Variants in SGMS1 observed in about 807,000 individuals in gnomAD.
SGMS1 encodes the protein phosphatidylcholine:ceramide cholinephosphotransferase 1.
SGMS1 carries 13 observed loss-of-function variants against 46.2 expected under a neutral mutation model. The ratio of observed to expected loss-of-function variants is 0.28; its 90% CI spans 0.18 to 0.45. The LOEUF is 0.45. SGMS1 is among the 20% of genes least tolerant of loss of function. The pLI, the probability that SGMS1 is intolerant of heterozygous loss-of-function variation, is 1.00. For synonymous variants in SGMS1, 203 were observed against 187.8 expected (o/e 1.08, Z -0.66); for missense variants, 324 against 519.9 (o/e 0.62, Z 3.66).
At chr10:50,345,761 G>A (rs190393625) in intron 6 of SGMS1, among the ~76,000 whole-genome samples, 36 of 152,288 alleles carry the variant, frequency 2.4e-4, no homozygotes, top group Admixed American at 1.4e-3. Flanking sequence ...GTGCATTCTG[G>A]AAATATTCCA....
In SGMS1 at chr10:50,496,930, A is replaced by C. The variant is rs192130159; in HGVS notation, c.-498+22901T>G. Among the ~76,000 whole-genome samples, 331 of 152,314 alleles carry C rather than the reference A, an allele frequency of 2.2e-3. 1 individual carries two copies. The highest frequency in any genetic ancestry group is 4.1e-3 in the Admixed American group (63 of 15,304). On this transcript the variant is annotated intron_variant, in intron 3 of 10. Transcript: ENST00000361781. The stretch of plus-strand genomic sequence containing the variant: ...TGCATGTCAACTAATGTCACTACCA[A>C]CATCTTTAGACACAAACCCACAGCA...
At chr10:50,384,595 G>A (rs941296851) in intron 6 of SGMS1, among the ~76,000 whole-genome samples, 1 of 151,906 alleles carries the variant, frequency 6.6e-6, no homozygotes, top group African/African-American at 2.4e-5. Flanking sequence ...CTACAGGTGT[G>A]TGCCACCATG....
intron 3 of SGMS1, among the ~76,000 whole-genome samples, chr10:50,490,709 T>A (rs908380179): frequency 6.6e-6 from 1 of 152,226 alleles, no homozygotes; most frequent in Non-Finnish European, 1.5e-5. Context: ...TACCACTTAC[T>A]ATCTGTGGGC....
chr10:50,562,614 T>G (rs1015497874), intron 2 of SGMS1, among the ~76,000 whole-genome samples: 11 of 151,972 alleles, frequency 7.2e-5, no homozygotes, highest in East Asian at 1.9e-4. Flanking sequence ...CGCGATCTCG[T>G]CTCACTGCAA....
chr10:50,585,827 C>T (rs1191940592), intron 2 of SGMS1, among the ~76,000 whole-genome samples: 1 of 152,188 alleles, frequency 6.6e-6, no homozygotes, highest in Non-Finnish European at 1.5e-5. Context: ...ATACAATAGA[C>T]ACTCTGTAAA....
chr10:50,360,175 T>G (rs999967871), intron 6 of SGMS1, among the ~76,000 whole-genome samples: 1 of 152,234 alleles, frequency 6.6e-6, no homozygotes, highest in African/African-American at 2.4e-5. Flanking sequence ...TGTATAATTA[T>G]GTTCCCAAAT....
chr10:50,476,485 A>G (rs1306237922), intron 3 of SGMS1, among the ~76,000 whole-genome samples: 2 of 152,224 alleles, frequency 1.3e-5, no homozygotes, highest in Non-Finnish European at 2.9e-5. Context: ...GTAGAAAAGA[A>G]AAACCCATTT....
chr10:50,562,292 C>A (rs760220529), intron 2 of SGMS1, among the ~76,000 whole-genome samples: 4 of 150,462 alleles, frequency 2.7e-5, no homozygotes, highest in Non-Finnish European at 4.5e-5. Flanking sequence ...TTTGGTGTAT[C>A]TGCTACAGGA....
At chr10:50,533,407 G>A (rs750146866) in intron 2 of SGMS1, among the ~76,000 whole-genome samples, 1 of 151,964 alleles carries the variant, frequency 6.6e-6, no homozygotes, top group Admixed American at 6.6e-5. Flanking sequence ...CCTTTGTTCT[G>A]GTTTTCAGCA....
At chr10:50,340,986 A>C (rs1564880597) in intron 7 of SGMS1, among the ~76,000 whole-genome samples, 1 of 152,228 alleles carries the variant, frequency 6.6e-6, no homozygotes, top group Non-Finnish European at 1.5e-5. Flanking sequence ...AATTTGGAGA[A>C]GTCGTATAAA....
At chr10:50,536,203 C>T (rs1400528335) in intron 2 of SGMS1, among the ~76,000 whole-genome samples, 1 of 151,900 alleles carries the variant, frequency 6.6e-6, no homozygotes, top group Non-Finnish European at 1.5e-5. Context: ...AATGGTGGTG[C>T]ACGCGTATAG....
chr10:50,428,236 G>A (rs1849355626), intron 6 of SGMS1, among the ~76,000 whole-genome samples: 1 of 152,142 alleles, frequency 6.6e-6, no homozygotes, highest in South Asian at 2.1e-4. Context: ...CAGGGCAGAA[G>A]GAGCACCCCT....
At chr10:50,614,077 C>T (rs1420507954) in intron 1 of SGMS1, among the ~76,000 whole-genome samples, 4 of 151,664 alleles carry the variant, frequency 2.6e-5, no homozygotes, top group Non-Finnish European at 4.4e-5. Flanking sequence ...GCCTAAATTC[C>T]TCCATGGGGA....
At chr10:50,575,855 A>G (rs898322293) in intron 2 of SGMS1, among the ~76,000 whole-genome samples, 4 of 152,212 alleles carry the variant, frequency 2.6e-5, no homozygotes, top group Non-Finnish European at 5.9e-5. Flanking sequence ...AGGCTTTTTA[A>G]GTTCCACAGA....
At chr10:50,488,162 C>T (rs1025746773) in intron 3 of SGMS1, among the ~76,000 whole-genome samples, 5 of 151,874 alleles carry the variant, frequency 3.3e-5, no homozygotes, top group African/African-American at 7.3e-5. Flanking sequence ...TATAAGCGCC[C>T]GCCACCATGC....
intron 1 of SGMS1, among the ~76,000 whole-genome samples, chr10:50,613,073 T>C (rs1838765552): frequency 6.6e-6 from 1 of 152,230 alleles, no homozygotes; most frequent in Admixed American, 6.5e-5. Context: ...CACATCTTCC[T>C]AGGCTTGTCT....
At chr10:50,531,516 G>T (rs1837953379) in intron 2 of SGMS1, among the ~76,000 whole-genome samples, 1 of 152,100 alleles carries the variant, frequency 6.6e-6, no homozygotes, top group African/African-American at 2.4e-5. Context: ...TGTTAGCATG[G>T]TTAGTACTGA....
intron 1 of SGMS1, among the ~76,000 whole-genome samples, chr10:50,607,554 C>T (rs544793457): frequency 6.6e-6 from 1 of 152,302 alleles, no homozygotes; most frequent in Non-Finnish European, 1.5e-5. Context: ...ATCTTGAAAG[C>T]CAATTTCATT....
intron 5 of SGMS1, among the ~76,000 whole-genome samples, chr10:50,440,262 A>G (rs1203402): frequency 0.82 from 124,321 of 151,050 alleles, 51,295 homozygotes; most frequent in East Asian, 1. Flanking sequence ...TCTCCCAGCA[A>G]CCCAAATTAA....
Sources: allele counts gnomAD v4.1 joint callset (sites outside exome capture counted in the v4.1 genomes callset), GRCh38; gene constraint gnomAD v4.1.1; transcripts MANE v1.5; gene names NCBI Gene and HGNC (gene_info 2026-07-23, HGNC 2026-07-21).